Variants in LRTM3 observed in about 807,000 individuals in gnomAD.
LRTM3 encodes leucine-rich repeat transmembrane protein 3.
chr13:102,740,470 A>C, the LRTM3 span: 1 of 1,550,092 alleles, frequency 6.5e-7, no homozygotes, highest in Non-Finnish European at 8.7e-7. Flanking sequence ...GATACTTTTG[A>C]GGGCAAGATA....
chr13:102,734,170 G>C, the LRTM3 span: 1 of 1,551,446 alleles, frequency 6.4e-7, no homozygotes, highest in Non-Finnish European at 8.7e-7. Flanking sequence ...CCTCTTGGCA[G>C]TGTATCCTGA....
At chr13:102,745,704 G>C in the LRTM3 span, 14 of 1,550,976 alleles carry the variant, frequency 9.0e-6, no homozygotes, top group South Asian at 4.8e-5. Flanking sequence ...CCACCAGCCT[G>C]TTCCTTTTGA....
chr13:102,740,158 G>T, the LRTM3 span: 2 of 1,547,700 alleles, frequency 1.3e-6, no homozygotes, highest in African/African-American at 1.4e-5. Context: ...GTCTTAACTT[G>T]GGTGAGCTAT....
chr13:102,744,459 A>G, the LRTM3 span: 4 of 1,550,624 alleles, frequency 2.6e-6, no homozygotes, highest in African/African-American at 1.4e-5. Context: ...GTTTTGGGAA[A>G]TGAAGTCTTT....
At chr13:102,757,245 A>T in the LRTM3 span, among the ~76,000 whole-genome samples, 1 of 152,238 alleles carries the variant, frequency 6.6e-6, no homozygotes, top group Non-Finnish European at 1.5e-5. Flanking sequence ...CACTCACCTG[A>T]GAACTAGTGT....
At chr13:102,749,659 C>G in the LRTM3 span, 1 of 1,551,416 alleles carries the variant, frequency 6.4e-7, no homozygotes, top group Non-Finnish European at 8.7e-7. Context: ...GCTTCTTCAT[C>G]ACATCTTCAG....
chr13:102,734,475 G>C, the LRTM3 span: 2 of 1,551,280 alleles, frequency 1.3e-6, no homozygotes, highest in Non-Finnish European at 1.7e-6. Flanking sequence ...TTTCGTCCTT[G>C]CCCTCCAATG....
the LRTM3 span, among the ~76,000 whole-genome samples, chr13:102,751,914 A>AAT: frequency 6.6e-6 from 1 of 152,120 alleles, no homozygotes; most frequent in African/African-American, 2.4e-5. Context: ...ATGGGATGGG[A>AAT]GGTCAGACAG....
chr13:102,732,930 G>A, the LRTM3 span: 1 of 1,551,460 alleles, frequency 6.4e-7, no homozygotes, highest in Non-Finnish European at 8.7e-7. Flanking sequence ...GTCCAGGGAG[G>A]GAATAGGGAC....
At chr13:102,741,113 A>G in the LRTM3 span, 1 of 1,549,952 alleles carries the variant, frequency 6.5e-7, no homozygotes, top group South Asian at 1.2e-5. Flanking sequence ...GCAAGGGAGA[A>G]CAGATTCCAG....
At chr13:102,747,145 A>T in the LRTM3 span, 1 of 1,550,860 alleles carries the variant, frequency 6.4e-7, no homozygotes, top group South Asian at 1.2e-5. Context: ...TTCCCTCATT[A>T]ATGAAATATG....
At chr13:102,736,268 G>A in the LRTM3 span, 2 of 1,550,984 alleles carry the variant, frequency 1.3e-6, no homozygotes, top group South Asian at 1.2e-5. Flanking sequence ...CTTCTGTCCT[G>A]CTCTCTCTTT....
the LRTM3 span, chr13:102,749,764 A>G: frequency 6.4e-7 from 1 of 1,551,250 alleles, no homozygotes; most frequent in African/African-American, 1.4e-5. Context: ...ATTGGACTTC[A>G]TAAAGACCTT....
the LRTM3 span, chr13:102,731,739 G>A: frequency 6.4e-7 from 1 of 1,551,304 alleles, no homozygotes; most frequent in Non-Finnish European, 8.7e-7. Context: ...ACTTGAGGCG[G>A]TATGGGCACA....
the LRTM3 span, chr13:102,740,367 A>G: frequency 6.5e-7 from 1 of 1,550,352 alleles, no homozygotes. Context: ...TGATCTGCAG[A>G]AAACAAGTCT....
At chr13:102,749,094 C>A in the LRTM3 span, 1 of 1,549,844 alleles carries the variant, frequency 6.5e-7, no homozygotes, top group Non-Finnish European at 8.7e-7. Context: ...TCTGATATAT[C>A]TTTCCTTTCA....
At chr13:102,739,451 G>T in the LRTM3 span, 2 of 1,550,586 alleles carry the variant, frequency 1.3e-6, no homozygotes, top group Non-Finnish European at 1.7e-6. Context: ...GCCCTTTAGA[G>T]TTCCTGACTT....
the LRTM3 span, chr13:102,745,702 C>T: frequency 2.1e-5 from 33 of 1,551,018 alleles, no homozygotes; most frequent in South Asian, 3.9e-4. Flanking sequence ...TACCACCAGC[C>T]TGTTCCTTTT....
chr13:102,754,709 T>C, the LRTM3 span, among the ~76,000 whole-genome samples: 1 of 152,182 alleles, frequency 6.6e-6, no homozygotes, highest in Admixed American at 6.5e-5. Context: ...ATTTGTGAGA[T>C]GTCCTTTGGC....
Sources: allele counts gnomAD v4.1 joint callset (sites outside exome capture counted in the v4.1 genomes callset), GRCh38; gene constraint gnomAD v4.1.1; transcripts MANE v1.5; gene names NCBI Gene and HGNC (gene_info 2026-07-23, HGNC 2026-07-21).